Variants in LMAN1L observed in about 807,000 individuals in gnomAD.
The protein encoded by LMAN1L is protein ERGIC-53-like.
A neutral mutation model predicts 58.3 loss-of-function variants in LMAN1L; 60 were observed. The observed-to-expected ratio is 1.03, with a 90% CI of 0.84 to 1.27. The LOEUF is 1.27. Ranked by LOEUF, LMAN1L falls within the 50% of genes most tolerant of loss-of-function variation. The probability of loss-of-function intolerance (pLI) is 0.00; values close to 1 mark genes in which losing one functional copy is unlikely to be tolerated. For missense variants in LMAN1L, 629 were observed against 674.0 expected, an observed-to-expected ratio of 0.93 and a Z score of 0.74; for synonymous variants, 280 against 271.6, an observed-to-expected ratio of 1.03 and a Z score of -0.31.
At chr15:74,814,390 T>C (rs1181244045) in intron 1 of LMAN1L, among the ~76,000 whole-genome samples, 1 of 144,636 alleles carries the variant, frequency 6.9e-6, no homozygotes, top group East Asian at 2.1e-4. Context: ...TTTTTTTTTT[T>C]TGAGACGGAG....
chr15:74,822,547 C>A (rs2063921829), intron 10 of LMAN1L, 95 bp from the exon 11 acceptor site: 1 of 984,668 alleles, frequency 1.0e-6, no homozygotes, highest in East Asian at 2.4e-5. Flanking sequence ...GGGAAGGCCT[C>A]TGGAAGGAAG....
chr15:74,816,143 G>A lies in LMAN1L; in HGVS notation c.176-14G>A, dbSNP rs1273719930. On this transcript the variant is annotated splice_polypyrimidine_tract_variant and intron_variant, in intron 1 of 13. Transcript: ENST00000309664. ...TGTAGTGGAGCCTGGGGCTTGAGCT[G>A]CCCTTGTCCACAGACGCCATCCTGG... 3 of 1,544,488 alleles carry A rather than the reference G, an allele frequency of 1.9e-6. No homozygotes were observed. In the South Asian group the frequency reaches 3.6e-5, roughly 18 times the overall value.
intron 8 of LMAN1L, 60 bp from the exon 9 acceptor site, chr15:74,821,015 G>T: frequency 6.7e-7 from 1 of 1,496,930 alleles, no homozygotes; most frequent in Non-Finnish European, 8.9e-7. Context: ...CCAAAGATAA[G>T]ATAGGCTGTG....
chr15:74,824,748 G>C (rs957659588), intron 13 of LMAN1L: 1 of 380,890 alleles, frequency 2.6e-6, no homozygotes, highest in African/African-American at 2.0e-5. Context: ...ATGATGTCAG[G>C]AAGCTGAGGG....
At chr15:74,813,623 G>C in intron 1 of LMAN1L, 2 of 375,514 alleles carry the variant, frequency 5.3e-6, no homozygotes, top group South Asian at 3.9e-5. Flanking sequence ...GTTCAAAAAA[G>C]GGTTTGTGAT....
chr15:74,821,442 G>A (rs1271526062), intron 9 of LMAN1L, among the ~76,000 whole-genome samples: 2 of 152,218 alleles, frequency 1.3e-5, no homozygotes, highest in African/African-American at 4.8e-5. Flanking sequence ...CTGGGGAGAG[G>A]AGATGCCAGC....
Position 74,816,066 on chromosome 15 carries a change from T to C in LMAN1L, c.176-91T>C, listed in dbSNP as rs2063888563. The C allele has an allele frequency of 4.8e-6, 7 of 1,446,998 alleles. No homozygotes were observed. In the South Asian group the frequency reaches 9.4e-5, roughly 20 times the overall value. 89.6% of individuals were successfully genotyped at this position (1,446,998 alleles called of 1,614,324 possible). ...GGTAGGCCTTGGCATTGTCGCCTTC[T>C]CTTCCGGGAGCCCAGCCCGGGCCAA... On this transcript the variant is annotated intron_variant, in intron 1 of 13. Transcript: ENST00000309664.
chr15:74,825,482 G>C lies in LMAN1L; in HGVS notation c.1458G>C (p.Glu486Asp), dbSNP rs776912350. Residue 486 changes from glutamate (E) to aspartate (D), a missense_variant, in exon 14 of 14, where the codon GAG (glutamate) becomes GAC (aspartate). Coordinates refer to ENST00000309664, the MANE Select transcript of LMAN1L (RefSeq NM_021819.3). ...GFFGYVHFRQELNKSLQECLS... is the reference protein window; with the variant it reads ...GFFGYVHFRQDLNKSLQECLS... ...ACCTTCTCTCTGGCAGCAGGCAGGA[G>C]CTGAACAAGAGCCTTCAGGAGTGTC... is the stretch of plus-strand genomic sequence containing the variant. The C allele has an allele frequency of 6.2e-7, 1 of 1,610,514 alleles. No homozygotes were observed.
intron 6 of LMAN1L, chr15:74,819,503 T>C: frequency 5.4e-6 from 3 of 552,986 alleles, no homozygotes; most frequent in Non-Finnish European, 9.4e-6. Context: ...TAGCTGTGAG[T>C]TGCGGGACAA....
At chr15:74,825,310 G>C in intron 13 of LMAN1L, 166 bp from the exon 14 acceptor site, 2 of 686,450 alleles carry the variant, frequency 2.9e-6, no homozygotes, top group Non-Finnish European at 5.0e-6. Context: ...CATGCCCAGG[G>C]GGAAAGCGTG....
chr15:74,819,724 T>C (rs922213261), intron 6 of LMAN1L: 8 of 506,474 alleles, frequency 1.6e-5, no homozygotes, highest in Admixed American at 3.3e-5. Flanking sequence ...CAGTTGCTAC[T>C]ACCAGTAGCA....
chr15:74,820,936 C>T, intron 8 of LMAN1L, 139 bp from the exon 9 acceptor site: 1 of 1,324,284 alleles, frequency 7.6e-7, no homozygotes. Context: ...ACCACTCAGA[C>T]TCATCTTCCA....
chr15:74,816,582 T>TC (rs753167889), intron 3 of LMAN1L, 48 bp downstream of exon 3: 62 of 1,584,962 alleles, frequency 3.9e-5, no homozygotes, highest in Non-Finnish European at 5.2e-5. Flanking sequence ...GCTCACACCC[T>TC]CCCCCTCCCG....
In LMAN1L at chr15:74,825,583, T is replaced by G. The variant is rs1596381509; in HGVS notation, c.1559T>G (p.Leu520Arg). 1 of 1,612,426 alleles carries G rather than the reference T, an allele frequency of 6.2e-7. No individual in the cohort carries two copies. The highest frequency in any genetic ancestry group is 8.5e-7 in the Non-Finnish European group (1 of 1,179,192). The change falls in exon 14 of 14, where the codon CTC becomes CGC. Residue 520 changes from leucine (L) to arginine (R), a missense_variant. By Grantham distance (102) the Leu-to-Arg change is moderately radical. Around this residue, in one of 3 missense-constraint regions of LMAN1L, gnomAD observed 53 missense variants for 59.7 expected, o/e 0.89. Transcript: ENST00000309664. ...CTGGGGATTCTGAGGAGGCAGCCTC[T>G]CCCTGCCAGCATGCCTGCCTGACCC... The part of the protein sequence containing the change: ...RALGILRRQP[L>R]PASMPA
chr15:74,816,755 A>T, intron 4 of LMAN1L, 65 bp downstream of exon 4: 1 of 1,485,924 alleles, frequency 6.7e-7, no homozygotes, highest in Non-Finnish European at 9.2e-7. Context: ...CATCCCCCCC[A>T]TCCGAGCCCC....
chr15:74,815,145 G>A (rs2063884765), intron 1 of LMAN1L, among the ~76,000 whole-genome samples: 1 of 152,210 alleles, frequency 6.6e-6, no homozygotes, highest in African/African-American at 2.4e-5. Context: ...ATGGTCTGGG[G>A]CAAGGTCTCA....
At position 74,821,836 on chromosome 15, in the gene LMAN1L, A is replaced by G. The variant is rs1298956613; in HGVS notation, c.1067A>G (p.Asp356Gly). The G allele has an allele frequency of 1.9e-6, 3 of 1,612,210 alleles. No individual in the cohort carries two copies. The highest frequency in any genetic ancestry group is 2.2e-5 in the East Asian group (1 of 44,850). ...CTCTGATCCTATCCCCAGGCCCTGG[A>G]TGCTTCCTGCCAGATTCCATCCACC... is the stretch of plus-strand genomic sequence containing the variant. ...QARPDGGWALDASCQIPSTPG... is the reference protein window; with the variant it reads ...QARPDGGWALGASCQIPSTPG... The change falls in exon 10 of 14, where the codon GAT (aspartate) becomes GGT (glycine). Residue 356 changes from aspartate (D) to glycine (G), a missense_variant. Physicochemically the swap from Asp to Gly is moderately conservative, Grantham distance 94 (BLOSUM62 -1). Transcript: ENST00000309664.
chr15:74,814,186 G>A (rs1339666443), intron 1 of LMAN1L, among the ~76,000 whole-genome samples: 2 of 151,208 alleles, frequency 1.3e-5, no homozygotes, highest in Non-Finnish European at 2.9e-5. Context: ...CTAAAGCCAG[G>A]ACAAAATATC....
In LMAN1L at chr15:74,820,978, T is replaced by C; in HGVS notation, c.908-97T>C. On this transcript the variant is annotated intron_variant, in intron 8 of 13. Transcript: ENST00000309664. ...GGTCTTGGAGGCAGCAGCCACACCT[T>C]CTGGCACCCCTCTCCAAGAAGCCAC... The C allele has an allele frequency of 2.1e-6, 3 of 1,415,638 alleles. No individual in the cohort carries two copies. In the South Asian group the frequency reaches 4.4e-5, roughly 21 times the overall value. The allele number at this position is 1,415,638 out of a possible 1,614,324, so 87.7% of individuals were successfully genotyped here.
Sources: allele counts gnomAD v4.1 joint callset (sites outside exome capture counted in the v4.1 genomes callset), GRCh38; gene constraint gnomAD v4.1.1; regional missense constraint gnomAD v4.1.1; transcripts MANE v1.5; gene names NCBI Gene and HGNC (gene_info 2026-07-23, HGNC 2026-07-21).